The following ATP6V1E1 variants were observed in gnomAD, a reference collection of about 807,000 sequenced individuals.
The protein encoded by ATP6V1E1 is V-type proton ATPase subunit E 1.
Under a neutral mutation model 35.2 loss-of-function variants are expected in ATP6V1E1, and 21 were observed. The ratio of observed to expected loss-of-function variants is 0.60; its 90% confidence interval spans 0.42 to 0.86. ATP6V1E1 has a LOEUF of 0.86. Among genes scored for constraint, ATP6V1E1 ranks in the 40% least tolerant of loss-of-function variants. The probability of loss-of-function intolerance (pLI) is 0.00; values close to 1 mark genes in which losing one functional copy is unlikely to be tolerated. For missense variants in ATP6V1E1, 183 were observed against 272.6 expected, an observed-to-expected ratio of 0.67 and a Z score of 2.32; for synonymous variants, 83 against 87.8, an observed-to-expected ratio of 0.95 and a Z score of 0.30.
rs749110878 is a variant in ATP6V1E1 at position 17,612,800 on chromosome 22, CTAAT to C, written c.276+8_276+11del. On this transcript the variant is annotated splice_region_variant and intron_variant, in intron 4 of 8. Coordinates refer to ENST00000253413, the MANE Select transcript of ATP6V1E1 (RefSeq NM_001696.4). ...GTAATAATTTTATAACTAATAGGGG[CTAAT>C]TACTCACTGTGATAAGGTCATCTCT... The C allele has an allele frequency of 1.8e-5, 28 of 1,566,146 alleles. No homozygotes were observed. The African/African-American group carries it at 3.7e-4, about 21-fold the overall frequency.
intron 1 of ATP6V1E1, among the ~76,000 whole-genome samples, chr22:17,627,694 GTCTGTAA>G (rs1404529373): frequency 6.6e-6 from 1 of 150,562 alleles, no homozygotes; most frequent in Non-Finnish European, 1.5e-5. Flanking sequence ...TGGGGCGCGA[GTCTGTAA>G]TCCCAGCTTC....
chr22:17,625,543 A>C (rs1286150691), intron 1 of ATP6V1E1, among the ~76,000 whole-genome samples: 2 of 131,336 alleles, frequency 1.5e-5, no homozygotes, highest in Admixed American at 7.4e-5. Context: ...GGCCTCCCAA[A>C]GTGCTGGGAT....
chr22:17,600,277 A>G (rs2057755912), intron 5 of ATP6V1E1, among the ~76,000 whole-genome samples, 182 bp from the exon 6 acceptor site: 1 of 151,980 alleles, frequency 6.6e-6, no homozygotes, highest in Non-Finnish European at 1.5e-5. Context: ...TCTACTAAAA[A>G]TACAAAAAAT....
At chr22:17,601,236 AACCCAC>A in intron 4 of ATP6V1E1, 55 bp from the exon 5 acceptor site, 1 of 1,471,880 alleles carries the variant, frequency 6.8e-7, no homozygotes, top group Non-Finnish European at 9.4e-7. Flanking sequence ...GTCGGCTCAG[AACCCAC>A]TGTGAGGCTG....
intron 1 of ATP6V1E1, among the ~76,000 whole-genome samples, chr22:17,626,748 TG>T (rs2057908028): frequency 1.3e-5 from 2 of 152,290 alleles, no homozygotes; most frequent in East Asian, 3.9e-4. Flanking sequence ...CAGGCTGGTC[TG>T]GAACTCCTGA....
intron 1 of ATP6V1E1, among the ~76,000 whole-genome samples, chr22:17,619,952 GA>G (rs1189473068): frequency 6.6e-6 from 1 of 152,154 alleles, no homozygotes; most frequent in Admixed American, 6.6e-5. Context: ...CCACCTGTAA[GA>G]AAGTATGCTG....
rs184905795 is a variant in ATP6V1E1 at position 17,624,199 on chromosome 22, G to A, written c.33+4404C>T. 2.6e-3 allele frequency among the ~76,000 whole-genome samples: 401 copies of A among 152,222 alleles called. 3 individuals are homozygous for A. Among genetic ancestry groups the A allele is most frequent in the African/African-American group, 9.2e-3 (380 of 41,530 alleles). The stretch of plus-strand genomic sequence containing the variant: ...GTAAACAACACACACTGTCCTCATC[G>A]AGCTTTCATGTAGCATGAAGGATTA... On this transcript the variant is annotated intron_variant, in intron 1 of 8. Coordinates refer to ENST00000253413, the MANE Select transcript of ATP6V1E1 (RefSeq NM_001696.4).
intron 1 of ATP6V1E1, among the ~76,000 whole-genome samples, chr22:17,621,002 C>T (rs1466131315): frequency 2.0e-5 from 3 of 151,992 alleles, no homozygotes; most frequent in Non-Finnish European, 4.4e-5. Flanking sequence ...GCGAAGCTTG[C>T]AGTGAGCCGA....
At chr22:17,598,361 T>C (rs2057743842) in intron 6 of ATP6V1E1, 73 bp from the exon 7 acceptor site, 2 of 1,209,410 alleles carry the variant, frequency 1.7e-6, no homozygotes, top group East Asian at 2.4e-5. Flanking sequence ...CAACAGACTA[T>C]ACAAGCAAGG....
intron 2 of ATP6V1E1, among the ~76,000 whole-genome samples, chr22:17,615,611 C>CCAG (rs944056096): frequency 3.0e-4 from 46 of 151,632 alleles, no homozygotes; most frequent in African/African-American, 1.1e-3. Context: ...CTGCTGCACT[C>CCAG]CAGCCTGGGC....
At position 17,602,899 on chromosome 22, in the gene ATP6V1E1, A is replaced by G. The variant is rs1469185962; in HGVS notation, c.277-1718T>C. 3.3e-5 allele frequency among the ~76,000 whole-genome samples: 5 copies of G among 152,314 alleles called. 1 individual carries two copies. In the East Asian group the frequency reaches 9.6e-4, roughly 29 times the overall value. Reference sequence around the variant, plus strand: ...TTGTAAATAAAGTTAAACAGAGCACACCACTTGTTAAATGGAGAAAAAGTA... The same window carrying G: ...TTGTAAATAAAGTTAAACAGAGCACGCCACTTGTTAAATGGAGAAAAAGTA... On this transcript the variant is annotated intron_variant, in intron 4 of 8. Coordinates refer to ENST00000253413, the MANE Select transcript of ATP6V1E1 (RefSeq NM_001696.4).
chr22:17,616,163 T>C (rs2057843355), intron 2 of ATP6V1E1, among the ~76,000 whole-genome samples: 1 of 148,598 alleles, frequency 6.7e-6, no homozygotes, highest in Non-Finnish European at 1.5e-5. Context: ...CTGGCCAATA[T>C]GGTGAAACCC....
intron 2 of ATP6V1E1, among the ~76,000 whole-genome samples, chr22:17,617,455 A>C (rs1444836037): frequency 6.6e-6 from 1 of 151,980 alleles, no homozygotes; most frequent in Non-Finnish European, 1.5e-5. Context: ...CACCACACCC[A>C]ACCAATTTTT....
chr22:17,615,551 G>A (rs2057839656), intron 2 of ATP6V1E1, among the ~76,000 whole-genome samples: 1 of 151,946 alleles, frequency 6.6e-6, no homozygotes, highest in Admixed American at 6.6e-5. Flanking sequence ...GCTAAGGCAG[G>A]AGAATCGCTT....
chr22:17,604,543 G>A (rs183202829), intron 4 of ATP6V1E1, among the ~76,000 whole-genome samples: 401 of 88,252 alleles, frequency 4.5e-3, no homozygotes, highest in African/African-American at 0.018. Flanking sequence ...TTTTTGAGAC[G>A]GAGTCTCGCT....
intron 2 of ATP6V1E1, among the ~76,000 whole-genome samples, chr22:17,617,265 A>C (rs547941926): frequency 6.6e-6 from 1 of 152,284 alleles, no homozygotes; most frequent in African/African-American, 2.4e-5. Context: ...GAAAATATTA[A>C]ACAATATATC....
chr22:17,620,949 C>T (rs986761544), intron 1 of ATP6V1E1, among the ~76,000 whole-genome samples: 5 of 152,054 alleles, frequency 3.3e-5, no homozygotes, highest in African/African-American at 1.2e-4. Flanking sequence ...GTAGTTCCAG[C>T]TACTTGGGAG....
At chr22:17,600,930 T>TG in intron 5 of ATP6V1E1, 162 bp downstream of exon 5, 1 of 523,934 alleles carries the variant, frequency 1.9e-6, no homozygotes, top group Non-Finnish European at 3.3e-6. Context: ...ATTTTAGATA[T>TG]GGTCAAGAGT....
chr22:17,592,336 G>T lies in ATP6V1E1; in HGVS notation c.*338C>A. 1 of 292,466 alleles carries T rather than the reference G, an allele frequency of 3.4e-6. No homozygotes were observed. The highest frequency in any genetic ancestry group is 6.6e-6 in the Non-Finnish European group (1 of 152,646). The allele number at this position is 292,466 out of a possible 1,614,324, so 18.1% of individuals were successfully genotyped here. On this transcript the variant is annotated 3_prime_UTR_variant, in exon 9 of 9. Transcript: ENST00000253413. ...AAGCCTCAAGAGTGGGGACTGCAGGGCCAAACACCAAATACATCACCTTTA... is the reference window on the plus strand; with the variant it reads ...AAGCCTCAAGAGTGGGGACTGCAGGTCCAAACACCAAATACATCACCTTTA...
Sources: allele counts gnomAD v4.1 joint callset (sites outside exome capture counted in the v4.1 genomes callset), GRCh38; gene constraint gnomAD v4.1.1; transcripts MANE v1.5; gene names NCBI Gene and HGNC (gene_info 2026-07-23, HGNC 2026-07-21).